ADCY2: variants seen among roughly 807,000 people sequenced by gnomAD.
ADCY2 encodes the protein adenylate cyclase type 2.
In ADCY2, 31 loss-of-function variants were observed where a neutral mutation model predicts 125.2. The ratio of observed to expected loss-of-function variants is 0.25; its 90% CI spans 0.19 to 0.33. The LOEUF (loss-of-function observed/expected upper bound fraction) is 0.33, where lower values mean the gene tolerates loss of function less well. Ranked by LOEUF, ADCY2 falls within the 10% of genes least tolerant of loss-of-function variation. ADCY2 has a pLI of 1.00. For missense variants in ADCY2, 904 were observed against 1,418.2 expected (o/e 0.64, Z 5.82); for synonymous variants, 512 against 548.4 (o/e 0.93, Z 0.93).
intron 19 of ADCY2, among the ~76,000 whole-genome samples, chr5:7,788,076 A>G (rs1350378184): frequency 1.3e-5 from 2 of 152,182 alleles, no homozygotes; most frequent in Admixed American, 6.5e-5. Context: ...TTCAAGTGAG[A>G]AGGCTTTTCT....
chr5:7,405,209 C>G (rs1739430742), intron 1 of ADCY2, among the ~76,000 whole-genome samples: 1 of 152,018 alleles, frequency 6.6e-6, no homozygotes, highest in African/African-American at 2.4e-5. Flanking sequence ...TGTTACCTTA[C>G]ATAGCCATGC....
At chr5:7,483,252 A>T (rs114270817) in intron 2 of ADCY2, among the ~76,000 whole-genome samples, 1 of 152,174 alleles carries the variant, frequency 6.6e-6, no homozygotes, top group Non-Finnish European at 1.5e-5. Flanking sequence ...TATTATATGC[A>T]TGTATCAGAA....
At chr5:7,634,107 A>C (rs1423541200) in intron 4 of ADCY2, among the ~76,000 whole-genome samples, 1 of 152,224 alleles carries the variant, frequency 6.6e-6, no homozygotes. Flanking sequence ...ATAGGCCACT[A>C]TGCCTTTTAA....
intron 2 of ADCY2, among the ~76,000 whole-genome samples, chr5:7,492,537 C>G (rs918648710): frequency 1.3e-5 from 2 of 152,102 alleles, no homozygotes; most frequent in African/African-American, 2.4e-5. Context: ...GAAAGGGAGC[C>G]AGAGGCAATG....
chr5:7,712,744 A>T, intron 10 of ADCY2, 112 bp from the exon 11 acceptor site: 1 of 718,048 alleles, frequency 1.4e-6, no homozygotes, highest in Non-Finnish European at 2.4e-6. Flanking sequence ...ATTATTTGTT[A>T]GTTAAATGTT....
At chr5:7,492,209 C>T (rs1743188241) in intron 2 of ADCY2, among the ~76,000 whole-genome samples, 1 of 152,172 alleles carries the variant, frequency 6.6e-6, no homozygotes, top group East Asian at 1.9e-4. Flanking sequence ...ATCACTGTGT[C>T]ATGCTGTGAC....
At chr5:7,533,868 A>T (rs1579545816) in intron 3 of ADCY2, among the ~76,000 whole-genome samples, 2 of 152,166 alleles carry the variant, frequency 1.3e-5, no homozygotes, top group Admixed American at 1.3e-4. Context: ...GCTTATTTTC[A>T]CCATTAGCAC....
At chr5:7,726,360 A>C (rs989460592) in intron 13 of ADCY2, among the ~76,000 whole-genome samples, 1 of 152,210 alleles carries the variant, frequency 6.6e-6, no homozygotes, top group African/African-American at 2.4e-5. Context: ...TTCTTCATCC[A>C]AAAATAGGGG....
intron 14 of ADCY2, among the ~76,000 whole-genome samples, chr5:7,733,741 G>A (rs999980394): frequency 6.6e-6 from 1 of 152,148 alleles, no homozygotes; most frequent in Non-Finnish European, 1.5e-5. Flanking sequence ...AGAGGGTATA[G>A]GAAGAGAAGA....
intron 3 of ADCY2, among the ~76,000 whole-genome samples, chr5:7,607,263 T>A (rs1737410227): frequency 6.6e-6 from 1 of 152,200 alleles, no homozygotes; most frequent in Non-Finnish European, 1.5e-5. Flanking sequence ...CTCATGCTCA[T>A]TAGCATCAGC....
At chr5:7,806,181 A>T (rs1744755610) in intron 22 of ADCY2, among the ~76,000 whole-genome samples, 1 of 152,174 alleles carries the variant, frequency 6.6e-6, no homozygotes, top group Non-Finnish European at 1.5e-5. Context: ...TAAAATGTAC[A>T]ACATTCTTTT....
chr5:7,823,455 C>A (rs371194865), intron 24 of ADCY2, among the ~76,000 whole-genome samples: 1 of 152,164 alleles, frequency 6.6e-6, no homozygotes, highest in East Asian at 1.9e-4. Context: ...GAACAAGAAT[C>A]GTGGGGCGTT....
At chr5:7,790,416 A>G (rs1234862318) in intron 20 of ADCY2, among the ~76,000 whole-genome samples, 2 of 152,258 alleles carry the variant, frequency 1.3e-5, no homozygotes, top group Non-Finnish European at 2.9e-5. Flanking sequence ...GATTAGCTAG[A>G]GTTGCAAAGA....
At chr5:7,718,939 A>G (rs1325184288) in intron 12 of ADCY2, among the ~76,000 whole-genome samples, 1 of 152,222 alleles carries the variant, frequency 6.6e-6, no homozygotes, top group Non-Finnish European at 1.5e-5. Flanking sequence ...CCAGAATAAG[A>G]CACAAGATCA....
chr5:7,797,424 A>T (rs1330074665), intron 20 of ADCY2: 1 of 152,238 alleles, frequency 6.6e-6, no homozygotes, highest in Non-Finnish European at 1.5e-5. Context: ...GGAGAGCCCC[A>T]GACGCCTCCA....
intron 2 of ADCY2, among the ~76,000 whole-genome samples, chr5:7,470,468 A>C (rs954056286): frequency 1.9e-4 from 29 of 150,162 alleles, no homozygotes; most frequent in Non-Finnish European, 3.9e-4. Context: ...TGTATTATCT[A>C]ATATATGTAT....
intron 15 of ADCY2, among the ~76,000 whole-genome samples, chr5:7,752,703 A>G (rs1742863890): frequency 1.7e-5 from 1 of 59,424 alleles, no homozygotes. Flanking sequence ...ACAAGGGAAG[A>G]AAAAAAAAAG....
At chr5:7,643,813 GT>G (rs148419727) in intron 4 of ADCY2, among the ~76,000 whole-genome samples, 480 of 149,544 alleles carry the variant, frequency 3.2e-3, no homozygotes, top group African/African-American at 0.011. Flanking sequence ...TTTTATTTTA[GT>G]TTTTTTTTAA....
At chr5:7,811,378 G>A (rs1333054934) in intron 22 of ADCY2, among the ~76,000 whole-genome samples, 4 of 152,040 alleles carry the variant, frequency 2.6e-5, no homozygotes, top group South Asian at 2.1e-4. Flanking sequence ...GCAGGCGCCT[G>A]TAGTCCCAGC....
Sources: gnomAD v4.1 joint callset for allele counts (sites outside exome capture counted in the v4.1 genomes callset) on GRCh38, gnomAD v4.1.1 for gene constraint, MANE v1.5 for transcripts, NCBI Gene and HGNC (gene_info 2026-07-23, HGNC 2026-07-21) for gene names.